Variants in FAT3 observed in about 807,000 individuals in gnomAD.
FAT3 encodes protocadherin Fat 3.
Under a neutral mutation model 310.2 loss-of-function variants are expected in FAT3, and 95 were observed. That is an observed-to-expected ratio of 0.31 (90% CI 0.26 to 0.36). The LOEUF is 0.36. Ranked by LOEUF, FAT3 falls within the 10% of genes least tolerant of loss-of-function variation. The pLI, the probability that FAT3 is intolerant of heterozygous loss-of-function variation, is 1.00. For missense variants in FAT3, 5,408 were observed against 5,715.6 expected (o/e 0.95, Z 1.74); for synonymous variants, 2,314 against 2,192.9 (o/e 1.06, Z -1.54).
chr11:92,285,933 G>C (rs939728428), intron 1 of FAT3, among the ~76,000 whole-genome samples: 13 of 152,044 alleles, frequency 8.6e-5, no homozygotes, highest in African/African-American at 2.9e-4. Context: ...AGGACGTGGG[G>C]TGTGGCCAGA....
At chr11:92,669,474 T>C (rs1943062892) in intron 3 of FAT3, among the ~76,000 whole-genome samples, 1 of 152,242 alleles carries the variant, frequency 6.6e-6, no homozygotes, top group African/African-American at 2.4e-5. Flanking sequence ...TATGCCTTCA[T>C]GAATATGCAG....
At chr11:92,421,391 G>A (rs1950530210) in intron 2 of FAT3, among the ~76,000 whole-genome samples, 1 of 152,132 alleles carries the variant, frequency 6.6e-6, no homozygotes, top group African/African-American at 2.4e-5. Flanking sequence ...TGTATTAGGA[G>A]GTTTTAATTT....
chr11:92,315,537 A>ATT (rs566470439), intron 1 of FAT3, among the ~76,000 whole-genome samples: 6,158 of 140,688 alleles, frequency 0.044, 498 homozygotes, highest in African/African-American at 0.16. Context: ...AGAGAGAGAG[A>ATT]GAGAGAGAGA....
chr11:92,496,868 C>A (rs2135257631), intron 2 of FAT3, among the ~76,000 whole-genome samples: 1 of 152,094 alleles, frequency 6.6e-6, no homozygotes, highest in African/African-American at 2.4e-5. Context: ...GAAGGCAACA[C>A]CCCAGACCTG....
chr11:92,642,895 G>A (rs1942015173), intron 3 of FAT3, among the ~76,000 whole-genome samples: 1 of 152,152 alleles, frequency 6.6e-6, no homozygotes, highest in East Asian at 1.9e-4. Context: ...ACAGAAAATG[G>A]AACAGAGCTA....
chr11:92,499,784 C>A (rs1026618319), intron 2 of FAT3, among the ~76,000 whole-genome samples: 3 of 149,460 alleles, frequency 2.0e-5, no homozygotes, highest in Admixed American at 2.0e-4. Context: ...AAAGAATAAA[C>A]CCTCAGAAAC....
chr11:92,350,700 T>G (rs1948541542), intron 1 of FAT3, among the ~76,000 whole-genome samples: 1 of 152,124 alleles, frequency 6.6e-6, no homozygotes, highest in East Asian at 1.9e-4. Context: ...ACCCTCAGTT[T>G]TCTAATATGT....
chr11:92,250,944 T>A (rs1865112232), intron 1 of FAT3, among the ~76,000 whole-genome samples: 1 of 152,186 alleles, frequency 6.6e-6, no homozygotes. Flanking sequence ...TGACATCCGC[T>A]CTTACAATGT....
chr11:92,793,341 G>A (rs1404468170), intron 9 of FAT3, among the ~76,000 whole-genome samples: 1 of 152,098 alleles, frequency 6.6e-6, no homozygotes, highest in African/African-American at 2.4e-5. Context: ...GGCCTGCCAG[G>A]GTGTTCTGTG....
chr11:92,663,511 ACT>A (rs1215920060), intron 3 of FAT3, among the ~76,000 whole-genome samples: 1 of 151,834 alleles, frequency 6.6e-6, no homozygotes, highest in African/African-American at 2.4e-5. Context: ...TTGAGCAGCG[ACT>A]CTGTCTGGAT....
At chr11:92,485,202 C>T (rs1393025428) in intron 2 of FAT3, among the ~76,000 whole-genome samples, 2 of 152,194 alleles carry the variant, frequency 1.3e-5, no homozygotes, top group African/African-American at 2.4e-5. Flanking sequence ...AATTTAAACC[C>T]CTGGGAATTC....
chr11:92,279,881 G>C (rs1289939132), intron 1 of FAT3, among the ~76,000 whole-genome samples: 2 of 152,126 alleles, frequency 1.3e-5, no homozygotes, highest in Admixed American at 6.6e-5. Flanking sequence ...CTGAGGTTCA[G>C]AATATTGCTC....
intron 3 of FAT3, among the ~76,000 whole-genome samples, chr11:92,562,903 G>A (rs576344169): frequency 1.3e-5 from 2 of 152,264 alleles, no homozygotes; most frequent in South Asian, 2.1e-4. Flanking sequence ...TAATTAAAAC[G>A]CTAATCTCTT....
intron 2 of FAT3, among the ~76,000 whole-genome samples, chr11:92,382,083 G>A (rs530358256): frequency 2.4e-4 from 37 of 152,260 alleles, no homozygotes; most frequent in African/African-American, 8.4e-4. Context: ...ATTATGTTAG[G>A]AGAGAGAGAC....
intron 3 of FAT3, among the ~76,000 whole-genome samples, chr11:92,617,994 C>T (rs900202044): frequency 1.3e-5 from 2 of 152,214 alleles, no homozygotes; most frequent in Non-Finnish European, 2.9e-5. Flanking sequence ...GGGAGAACCA[C>T]TACTCTCTTC....
At chr11:92,647,849 C>A (rs1049807335) in intron 3 of FAT3, among the ~76,000 whole-genome samples, 8 of 152,032 alleles carry the variant, frequency 5.3e-5, no homozygotes, top group African/African-American at 1.9e-4. Flanking sequence ...CCAGGATAAG[C>A]AGGGTTTTAA....
chr11:92,493,643 T>C (rs1952669604), intron 2 of FAT3, among the ~76,000 whole-genome samples: 1 of 152,078 alleles, frequency 6.6e-6, no homozygotes, highest in South Asian at 2.1e-4. Context: ...ACAGTGTGTG[T>C]CCCCAGCAAG....
intron 22 of FAT3, among the ~76,000 whole-genome samples, chr11:92,879,742 G>C (rs1239549683): frequency 6.6e-6 from 1 of 152,102 alleles, no homozygotes; most frequent in Non-Finnish European, 1.5e-5. Context: ...AAGCATAGTG[G>C]AAAGCTAATA....
intron 4 of FAT3, among the ~76,000 whole-genome samples, chr11:92,706,677 T>TACAAATTA: frequency 6.6e-6 from 1 of 152,334 alleles, no homozygotes; most frequent in East Asian, 1.9e-4. Context: ...GCCTCATAAT[T>TACAAATTA]TGTAATCCTC....
Sources: allele counts gnomAD v4.1 joint callset (sites outside exome capture counted in the v4.1 genomes callset), GRCh38; gene constraint gnomAD v4.1.1; transcripts MANE v1.5; gene names NCBI Gene and HGNC (gene_info 2026-07-23, HGNC 2026-07-21).